MAP2K5: variants seen among roughly 807,000 people sequenced by gnomAD.
MAP2K5 encodes mitogen-activated protein kinase kinase 5.
MAP2K5 carries 49 observed loss-of-function variants against 83.1 expected under a neutral mutation model. That is an observed-to-expected ratio of 0.59 (90% CI 0.47 to 0.75). MAP2K5 has a LOEUF of 0.75. Among genes scored for constraint, MAP2K5 ranks in the 30% least tolerant of loss-of-function variants. The probability of loss-of-function intolerance (pLI) is 0.00; values close to 1 mark genes in which losing one functional copy is unlikely to be tolerated. For synonymous variants in MAP2K5, 202 were observed against 191.8 expected (o/e 1.05, Z -0.44); for missense variants, 457 against 557.5 (o/e 0.82, Z 1.82).
At position 67,545,007 on chromosome 15, in the gene MAP2K5, C is replaced by A. The variant is rs571203681; in HGVS notation, c.135+1537C>A. Among the ~76,000 whole-genome samples, 22 of 152,330 alleles carry A rather than the reference C, an allele frequency of 1.4e-4. No individual in the cohort carries two copies. In the East Asian group the frequency reaches 2.7e-3, roughly 19 times the overall value. On this transcript the variant is annotated intron_variant, in intron 1 of 21. Transcript: ENST00000178640. Reference sequence around the variant, plus strand: ...TCCTCTGGGCACATCTGGATTGGCCCCTGTCTGCCTGGCACCTGTGTCATC... The same window carrying A: ...TCCTCTGGGCACATCTGGATTGGCCACTGTCTGCCTGGCACCTGTGTCATC...
chr15:67,585,956 T>C, intron 5 of MAP2K5, 26 bp downstream of exon 5: 1 of 1,597,342 alleles, frequency 6.3e-7, no homozygotes, highest in South Asian at 1.1e-5. Context: ...ATTGTTTCAG[T>C]AAAGTTAGAT....
chr15:67,637,666 T>C lies in MAP2K5; in HGVS notation c.585+6739T>C, dbSNP rs1193378684. 6.6e-6 allele frequency among the ~76,000 whole-genome samples: 1 copy of C among 152,160 alleles called. No individual in the cohort carries two copies. Among genetic ancestry groups the C allele is most frequent in the Non-Finnish European group, 1.5e-5 (1 of 68,022 alleles). ...CGGCAGACCTCTGGAGCTCTCTCCC[T>C]CAGGTCCTCTGCCAGCTCTCTGCCC... is the stretch of plus-strand genomic sequence containing the variant. On this transcript the variant is annotated intron_variant, in intron 9 of 21. Transcript: ENST00000178640. The surrounding 1 kb of genome is among the most constrained non-coding windows in gnomAD (Gnocchi z 4.5).
At chr15:67,692,002 T>G (rs1166628364) in intron 13 of MAP2K5, among the ~76,000 whole-genome samples, 1 of 152,242 alleles carries the variant, frequency 6.6e-6, no homozygotes, top group African/African-American at 2.4e-5. Flanking sequence ...CATTCAAATA[T>G]GACCTGTTAC....
rs1030845492 is a variant in MAP2K5, at chr15:67,724,443, G to A, written c.1045-3473G>A. Among the ~76,000 whole-genome samples, 2 of 151,752 alleles carry A rather than the reference G, an allele frequency of 1.3e-5. No individual in the cohort carries two copies. Among genetic ancestry groups the A allele is most frequent in the African/African-American group, 4.8e-5 (2 of 41,280 alleles). Reference sequence around the variant, plus strand: ...TAGGGTCTCACTCTTGCTCAGTCTGGAATGCAATGGCATGGTCAAGGCTCA... The same window carrying A: ...TAGGGTCTCACTCTTGCTCAGTCTGAAATGCAATGGCATGGTCAAGGCTCA... On this transcript the variant is annotated intron_variant, in intron 16 of 21. Coordinates refer to ENST00000178640, the MANE Select transcript of MAP2K5 (RefSeq NM_145160.3). The surrounding 1 kb of genome is among the most constrained non-coding windows in gnomAD (Gnocchi z 4.4).
chr15:67,733,512 A>G (rs1271159738), intron 17 of MAP2K5, among the ~76,000 whole-genome samples: 1 of 152,262 alleles, frequency 6.6e-6, no homozygotes, highest in African/African-American at 2.4e-5. Context: ...TTATTGGGAA[A>G]AAAAAATACC....
rs746375947 is a variant in MAP2K5 at position 67,698,632 on chromosome 15, G to A, written c.973-4705G>A. ...GACACTATTGCTATGATTAACTGAA[G>A]TTTTAAAATGAAAAAATCTTACTCA... On this transcript the variant is annotated intron_variant, in intron 15 of 21. Coordinates refer to ENST00000178640, the MANE Select transcript of MAP2K5 (RefSeq NM_145160.3). The surrounding 1 kb of genome is among the most constrained non-coding windows in gnomAD (Gnocchi z 4.5). Among the ~76,000 whole-genome samples the A allele has an allele frequency of 3.9e-5, 6 of 152,144 alleles. No individual in the cohort carries two copies. The highest frequency in any genetic ancestry group is 8.8e-5 in the Non-Finnish European group (6 of 68,010).
Position 67,585,599 on chromosome 15 carries a change from TATGAA to T in MAP2K5, c.323-289_323-285del, listed in dbSNP as rs1596600444. On this transcript the variant is annotated intron_variant, in intron 4 of 21. Transcript: ENST00000178640. ...GAGGACAGATTGCAGAAATTTGAAT[TATGAA>T]AGGAATCTAATCATTTTAGCTCAGT... 1.4e-5 allele frequency: 5 copies of T among 350,888 alleles called. No homozygotes were observed. The East Asian group carries it at 1.5e-4, about 11-fold the overall frequency. 21.7% of individuals were successfully genotyped at this position (350,888 alleles called of 1,614,324 possible).
chr15:67,797,936 G>C (rs1433137969), intron 21 of MAP2K5, among the ~76,000 whole-genome samples: 3 of 152,200 alleles, frequency 2.0e-5, no homozygotes, highest in Non-Finnish European at 4.4e-5. Context: ...ACCCGCTTCA[G>C]CCTCCCAAAG....
intron 2 of MAP2K5, among the ~76,000 whole-genome samples, chr15:67,553,012 G>T (rs2084543881): frequency 6.6e-6 from 1 of 152,002 alleles, no homozygotes; most frequent in Non-Finnish European, 1.5e-5. Context: ...ATGTGCCTGT[G>T]CCTGCCTCAT....
At chr15:67,546,654 T>G in intron 1 of MAP2K5, 1 of 981,460 alleles carries the variant, frequency 1.0e-6, no homozygotes, top group Non-Finnish European at 1.2e-6. Flanking sequence ...ACTGAGTTCC[T>G]AGTTTTGGGA....
intron 9 of MAP2K5, among the ~76,000 whole-genome samples, chr15:67,631,609 C>T (rs1294123217): frequency 6.6e-6 from 1 of 152,198 alleles, no homozygotes; most frequent in East Asian, 1.9e-4. Flanking sequence ...AGTCAGGCTA[C>T]ACACAACTCA....
Position 67,783,914 on chromosome 15 carries a change from G to C in MAP2K5, c.1242+11162G>C, listed in dbSNP as rs1222827114. Among the ~76,000 whole-genome samples the C allele has an allele frequency of 4.6e-5, 7 of 152,156 alleles. No homozygotes were observed. The highest frequency in any genetic ancestry group is 8.8e-5 in the Non-Finnish European group (6 of 68,026). On this transcript the variant is annotated intron_variant, in intron 21 of 21. Transcript: ENST00000178640. This position sits in a 1 kb window ranked among gnomAD's most constrained non-coding sequence, Gnocchi z 5.1. Reference sequence around the variant, plus strand: ...AGTAAAAGTACCAGAGCCTCTAATAGCCACACTAGCCAGTATTCATACTAC... The same window carrying C: ...AGTAAAAGTACCAGAGCCTCTAATACCCACACTAGCCAGTATTCATACTAC...
In MAP2K5 at chr15:67,658,325, C is replaced by T. The variant is rs149870804; in HGVS notation, c.737-228C>T. On this transcript the variant is annotated intron_variant, in intron 11 of 21. Coordinates refer to ENST00000178640, the MANE Select transcript of MAP2K5 (RefSeq NM_145160.3). ...CCTTGACTAGTTTCTTTCAGTTTTT[C>T]ATGTATGTGACTATACACTTCAGAA... 9.8e-4 allele frequency among the ~76,000 whole-genome samples: 149 copies of T among 152,164 alleles called. 2 individuals are homozygous for T. The highest frequency in any genetic ancestry group is 2.6e-3 in the African/African-American group (107 of 41,546).
intron 8 of MAP2K5, chr15:67,628,861 C>T (rs2086390426): frequency 1.1e-5 from 8 of 748,200 alleles, no homozygotes; most frequent in Non-Finnish European, 1.7e-5. Flanking sequence ...TTGATGGCAG[C>T]CGTGGTGATG....
chr15:67,596,946 C>T (rs963204234), intron 7 of MAP2K5, among the ~76,000 whole-genome samples: 6 of 151,876 alleles, frequency 4.0e-5, no homozygotes, highest in African/African-American at 4.8e-5. Context: ...CCGAGTCGGG[C>T]GGATCACGAG....
In MAP2K5 at chr15:67,780,835, C is replaced by A. The variant is rs142062997; in HGVS notation, c.1242+8083C>A. Among the ~76,000 whole-genome samples the A allele has an allele frequency of 6.6e-5, 10 of 152,302 alleles. No individual in the cohort carries two copies. Among genetic ancestry groups the A allele is most frequent in the African/African-American group, 2.4e-4 (10 of 41,568 alleles). ...CCAACACCAGGGTTTAGCCATCCCA[C>A]CCTGGATGTATGGACAGAGCTAGGA... On this transcript the variant is annotated intron_variant, in intron 21 of 21. Coordinates refer to ENST00000178640, the MANE Select transcript of MAP2K5 (RefSeq NM_145160.3). The surrounding 1 kb of genome is among the most constrained non-coding windows in gnomAD (Gnocchi z 5.0).
intron 3 of MAP2K5, among the ~76,000 whole-genome samples, chr15:67,566,616 G>A (rs1345892464): frequency 6.6e-6 from 1 of 152,086 alleles, no homozygotes; most frequent in Non-Finnish European, 1.5e-5. Flanking sequence ...GATTACAAAG[G>A]TTAAGTAAAT....
rs1055222398 is a variant in MAP2K5, at chr15:67,787,083, C to T, written c.1242+14331C>T. Among the ~76,000 whole-genome samples the T allele has an allele frequency of 3.9e-5, 6 of 152,288 alleles. No individual in the cohort carries two copies. In the East Asian group the frequency reaches 5.8e-4, roughly 15 times the overall value. Reference sequence around the variant, plus strand: ...ACCAGAGAGTAGTGGGGCAGTTGGACGCACTTGTTGGTTCTTAAGCAGGGA... The same window carrying T: ...ACCAGAGAGTAGTGGGGCAGTTGGATGCACTTGTTGGTTCTTAAGCAGGGA... On this transcript the variant is annotated intron_variant, in intron 21 of 21. Transcript: ENST00000178640.
At chr15:67,571,373 A>G (rs1046854604) in intron 3 of MAP2K5, among the ~76,000 whole-genome samples, 2 of 152,190 alleles carry the variant, frequency 1.3e-5, no homozygotes, top group East Asian at 1.9e-4. Context: ...AGTGTTCCCC[A>G]CAATACCTGT....
Sources: allele counts gnomAD v4.1 joint callset (sites outside exome capture counted in the v4.1 genomes callset), GRCh38; gene constraint gnomAD v4.1.1; non-coding constraint Gnocchi (gnomAD v3.1); transcripts MANE v1.5; gene names NCBI Gene and HGNC (gene_info 2026-07-23, HGNC 2026-07-21).